The following MAST2 variants were observed in gnomAD, a reference collection of about 807,000 sequenced individuals.
The protein encoded by MAST2 is microtubule associated serine/threonine kinase 2, also known as microtubule-associated serine/threonine-protein kinase 2.
In MAST2, 70 loss-of-function variants were observed where a neutral mutation model predicts 147.4. The observed-to-expected ratio is 0.47, with a 90% CI of 0.39 to 0.58. The LOEUF is 0.58. Among genes scored for constraint, MAST2 ranks in the 20% least tolerant of loss-of-function variants. The pLI is 0.00. For synonymous variants in MAST2, 869 were observed against 896.8 expected, an observed-to-expected ratio of 0.97 and a Z score of 0.55; for missense variants, 2,080 against 2,302.3, an observed-to-expected ratio of 0.90 and a Z score of 1.98.
chr1:45,915,890 C>G (rs1652428503), intron 4 of MAST2, among the ~76,000 whole-genome samples: 1 of 152,038 alleles, frequency 6.6e-6, no homozygotes, highest in South Asian at 2.1e-4. Context: ...CTAATTAGTT[C>G]TAACATATAT....
chr1:45,979,724 C>T (rs1644322725), intron 5 of MAST2, among the ~76,000 whole-genome samples: 1 of 152,100 alleles, frequency 6.6e-6, no homozygotes, highest in Non-Finnish European at 1.5e-5. Flanking sequence ...AGCTCCTGCT[C>T]CTCAGGAGGC....
intron 4 of MAST2, among the ~76,000 whole-genome samples, chr1:45,904,174 A>AT (rs34657132): frequency 0.3 from 41,816 of 141,232 alleles, 6,010 homozygotes; most frequent in South Asian, 0.39. Context: ...CTAATTTTTA[A>AT]TTTTTTTTTT....
intron 4 of MAST2, among the ~76,000 whole-genome samples, chr1:45,895,078 T>C (rs1390663236): frequency 6.6e-6 from 1 of 152,188 alleles, no homozygotes; most frequent in African/African-American, 2.4e-5. Context: ...ATCTTCCACA[T>C]CTTGGCCTCA....
At chr1:45,900,173 CAA>C (rs59051138) in intron 4 of MAST2, among the ~76,000 whole-genome samples, 111 of 54,096 alleles carry the variant, frequency 2.1e-3, no homozygotes, top group African/African-American at 7.1e-3. Flanking sequence ...CTCTCTCTCT[CAA>C]AAAAAAAAAA....
At chr1:45,882,475 G>A in intron 4 of MAST2, 80 bp downstream of exon 4, 1 of 1,111,712 alleles carries the variant, frequency 9.0e-7, no homozygotes, top group Non-Finnish European at 1.4e-6. Flanking sequence ...ACTATCATGT[G>A]GAGGAATCCC....
chr1:45,989,260 G>T (rs1471373116), intron 5 of MAST2, among the ~76,000 whole-genome samples: 2 of 152,116 alleles, frequency 1.3e-5, no homozygotes, highest in East Asian at 3.9e-4. Flanking sequence ...AGAAACCTGG[G>T]TCCCATCATC....
chr1:45,964,807 T>C (rs918507030), intron 5 of MAST2, among the ~76,000 whole-genome samples: 1 of 152,200 alleles, frequency 6.6e-6, no homozygotes, highest in South Asian at 2.1e-4. Context: ...TTAATTGTGA[T>C]GTTAGGGTGT....
intron 17 of MAST2, 90 bp downstream of exon 17, chr1:46,027,953 A>ATTAC: frequency 1.3e-6 from 2 of 1,514,166 alleles, no homozygotes; most frequent in Non-Finnish European, 1.8e-6. Flanking sequence ...ACCCTTTGGG[A>ATTAC]GGCTGAGGCA....
intron 4 of MAST2, among the ~76,000 whole-genome samples, chr1:45,898,500 T>TC (rs1649153803): frequency 6.6e-6 from 1 of 152,176 alleles, no homozygotes; most frequent in Non-Finnish European, 1.5e-5. Flanking sequence ...TGCAATATCT[T>TC]CCGTTCTGTT....
chr1:45,819,150 G>C (rs1238669906), intron 1 of MAST2, among the ~76,000 whole-genome samples: 1 of 151,884 alleles, frequency 6.6e-6, no homozygotes, highest in Admixed American at 6.6e-5. Flanking sequence ...CTACTTGGGA[G>C]GCTGAGGCAG....
In MAST2 at chr1:46,035,292, T is replaced by C; in HGVS notation, c.4623T>C (p.Ser1541=). The C allele has an allele frequency of 6.2e-7, 1 of 1,612,916 alleles. No individual in the cohort carries two copies. The highest frequency in any genetic ancestry group is 8.5e-7 in the Non-Finnish European group (1 of 1,179,740). Residue 1541 remains serine, a synonymous_variant, in exon 29 of 29, where the codon AGT becomes AGC. Coordinates refer to ENST00000361297, the MANE Select transcript of MAST2 (RefSeq NM_015112.3). This position sits in a 1 kb window ranked among gnomAD's most constrained non-coding sequence, Gnocchi z 5.5. ...TGGCCCCTAAAGGAGCAGGAGAGAG[T>C]GGGGAAGAGGATCCTTTCCCGTCCA... The part of the protein sequence containing the change: ...QSVAPKGAGE[S]GEEDPFPSRD...
chr1:46,025,986 A>G (rs1171986455), intron 16 of MAST2, among the ~76,000 whole-genome samples, 171 bp downstream of exon 16: 1 of 152,226 alleles, frequency 6.6e-6, no homozygotes, highest in Non-Finnish European at 1.5e-5. Flanking sequence ...CCAGATGCAG[A>G]TCATTGCCTC....
At chr1:45,965,682 C>T (rs948038958) in intron 5 of MAST2, among the ~76,000 whole-genome samples, 1 of 152,048 alleles carries the variant, frequency 6.6e-6, no homozygotes, top group African/African-American at 2.4e-5. Flanking sequence ...TCAGTAGGTA[C>T]ATACCCAGCC....
chr1:46,030,564 C>T (rs367952644), intron 21 of MAST2, 43 bp from the exon 22 acceptor site: 39 of 1,558,504 alleles, frequency 2.5e-5, no homozygotes, highest in Non-Finnish European at 2.9e-5. Context: ...TTGGGAGGTA[C>T]GGCTGCCAGA....
intron 4 of MAST2, among the ~76,000 whole-genome samples, chr1:45,958,994 G>T (rs910657396): frequency 6.6e-6 from 1 of 152,088 alleles, no homozygotes; most frequent in Non-Finnish European, 1.5e-5. Context: ...AGTTTTGGGG[G>T]GTTCTTAGAG....
At chr1:45,883,300 T>G (rs1005793050) in intron 4 of MAST2, among the ~76,000 whole-genome samples, 2 of 152,162 alleles carry the variant, frequency 1.3e-5, no homozygotes, top group Non-Finnish European at 2.9e-5. Context: ...AAATGAAACA[T>G]GTAGTAATTC....
At chr1:45,976,141 A>T (rs865890288) in intron 5 of MAST2, among the ~76,000 whole-genome samples, 277 of 151,356 alleles carry the variant, frequency 1.8e-3, no homozygotes, top group African/African-American at 6.2e-3. Context: ...CACCCAGCAA[A>T]TTTTTTTTTA....
At chr1:45,917,241 T>G (rs1652686205) in intron 4 of MAST2, 63 of 685,076 alleles carry the variant, frequency 9.2e-5, no homozygotes, top group Non-Finnish European at 1.3e-4. Context: ...TTACTTTTCT[T>G]GAGCTTTTTG....
intron 5 of MAST2, among the ~76,000 whole-genome samples, chr1:45,965,720 A>AT (rs545057419): frequency 3.0e-4 from 45 of 149,234 alleles, no homozygotes; most frequent in African/African-American, 6.6e-4. Context: ...TCCCTACCTT[A>AT]TTTTTTTTTT....
Sources: gnomAD v4.1 joint callset for allele counts (sites outside exome capture counted in the v4.1 genomes callset) on GRCh38, gnomAD v4.1.1 for gene constraint, Gnocchi (gnomAD v3.1) non-coding constraint, MANE v1.5 for transcripts, NCBI Gene and HGNC (gene_info 2026-07-23, HGNC 2026-07-21) for gene names.